Variants in GRM1 observed in about 807,000 individuals in gnomAD.
GRM1 encodes the protein metabotropic glutamate receptor 1.
GRM1 carries 33 observed loss-of-function variants against 90.9 expected under a neutral mutation model. That is an observed-to-expected ratio of 0.36 (90% CI 0.28 to 0.49). The LOEUF is 0.49. Ranked by LOEUF, GRM1 falls within the 20% of genes least tolerant of loss-of-function variation. The probability of loss-of-function intolerance (pLI) is 0.99; values close to 1 mark genes in which losing one functional copy is unlikely to be tolerated. For missense variants in GRM1, 1,190 were observed against 1,534.3 expected, an observed-to-expected ratio of 0.78 and a Z score of 3.75; for synonymous variants, 700 against 613.2, an observed-to-expected ratio of 1.14 and a Z score of -2.09.
intron 1 of GRM1, among the ~76,000 whole-genome samples, chr6:146,070,190 G>A (rs1310173475): frequency 1.3e-5 from 2 of 151,748 alleles, no homozygotes; most frequent in Non-Finnish European, 2.9e-5. Context: ...TCTCTAACAA[G>A]TTTATTGCTC....
intron 2 of GRM1, among the ~76,000 whole-genome samples, chr6:146,292,816 A>G (rs1783035785): frequency 6.6e-6 from 1 of 152,010 alleles, no homozygotes; most frequent in African/African-American, 2.4e-5. Flanking sequence ...GCATGTATAC[A>G]TATGTTTATA....
rs362826 is a variant in GRM1, at chr6:146,434,430, G to C, written c.3219G>C (p.Gln1073His). ...TGTACCCGCCCCCGCCACCTCCGCAGCACCTGCAGATGCTGCCGCTGCAGC... is the reference window on the plus strand; with the variant it reads ...TGTACCCGCCCCCGCCACCTCCGCACCACCTGCAGATGCTGCCGCTGCAGC... Reference protein sequence around the residue: ...RSLYPPPPPPQHLQMLPLQLS... With the variant: ...RSLYPPPPPPHHLQMLPLQLS... The change falls in exon 8 of 8, where the codon CAG (glutamine) becomes CAC (histidine). Residue 1073 changes from glutamine to histidine, a missense_variant. This residue lies in a region of GRM1 where 400 missense variants were observed against 360.8 expected (regional missense o/e 1.11). Transcript: ENST00000282753. 3.7e-6 allele frequency: 6 copies of C among 1,613,564 alleles called. No individual in the cohort carries two copies. Among genetic ancestry groups the C allele is most frequent in the East Asian group, 2.2e-5 (1 of 44,850 alleles).
chr6:146,202,355 T>C (rs1779326133), intron 2 of GRM1, among the ~76,000 whole-genome samples: 1 of 152,152 alleles, frequency 6.6e-6, no homozygotes, highest in South Asian at 2.1e-4. Flanking sequence ...TCAGCAGGTA[T>C]TTTTACATCT....
chr6:146,248,759 A>C (rs746376431), intron 2 of GRM1, among the ~76,000 whole-genome samples: 25 of 152,202 alleles, frequency 1.6e-4, no homozygotes, highest in Non-Finnish European at 3.4e-4. Context: ...TCAGAACACA[A>C]GAAGATGTGA....
At position 146,387,008 on chromosome 6, in the gene GRM1, A is replaced by G. The variant is rs754294966; in HGVS notation, c.1721A>G (p.Asp574Gly). The change falls in exon 6 of 8, where the codon GAT becomes GGT. Residue 574 changes from aspartate to glycine, a missense_variant. By Grantham distance (94) the Asp-to-Gly change is moderately conservative. Transcript: ENST00000282753. ...ACDLGWWPNA[D>G]LTGCEPIPVR... is the part of the protein sequence containing the mutation. The stretch of plus-strand genomic sequence containing the variant: ...GACTTGGGATGGTGGCCCAATGCAG[A>G]TCTAACAGGTAGGAACTGCCTCACT... 1 of 1,613,012 alleles carries G rather than the reference A, an allele frequency of 6.2e-7. No individual in the cohort carries two copies. The highest frequency in any genetic ancestry group is 1.7e-5 in the Admixed American group (1 of 59,968).
chr6:146,030,663 C>G (rs1218558393), intron 1 of GRM1, among the ~76,000 whole-genome samples: 1 of 152,158 alleles, frequency 6.6e-6, no homozygotes, highest in Non-Finnish European at 1.5e-5. Flanking sequence ...AAAGCTTTAT[C>G]TTTCTTTAAC....
At chr6:146,270,342 C>T (rs933791088) in intron 2 of GRM1, among the ~76,000 whole-genome samples, 60 of 152,098 alleles carry the variant, frequency 3.9e-4, no homozygotes, top group Admixed American at 2.0e-3. Flanking sequence ...TGTGTTTTAT[C>T]CAGTTCAATG....
intron 7 of GRM1, among the ~76,000 whole-genome samples, chr6:146,416,353 A>C (rs10214823): frequency 2.0e-5 from 3 of 151,972 alleles, no homozygotes; most frequent in African/African-American, 7.3e-5. Flanking sequence ...TTAATATTCA[A>C]CTTTCTCCTG....
At chr6:146,241,609 G>A (rs1336215713) in intron 2 of GRM1, among the ~76,000 whole-genome samples, 2 of 152,086 alleles carry the variant, frequency 1.3e-5, no homozygotes, top group Non-Finnish European at 2.9e-5. Flanking sequence ...AGGTTCCCAA[G>A]GTTCACTAAC....
At chr6:146,366,005 T>C (rs1380733662) in intron 5 of GRM1, among the ~76,000 whole-genome samples, 1 of 152,214 alleles carries the variant, frequency 6.6e-6, no homozygotes, top group African/African-American at 2.4e-5. Flanking sequence ...TCTTTCTTGC[T>C]TTAGTTTTTC....
Position 146,326,296 on chromosome 6 carries a change from G to A in GRM1, c.1186+21450G>A, listed in dbSNP as rs527442777. On this transcript the variant is annotated intron_variant, in intron 3 of 7. Transcript: ENST00000282753. The stretch of plus-strand genomic sequence containing the variant: ...GAGGTTATGGCCTTTGCAGGGACAC[G>A]GATGGAGCTGGAGGCCATTATCCTT... Among the ~76,000 whole-genome samples, 11 of 152,252 alleles carry A rather than the reference G, an allele frequency of 7.2e-5. 1 individual carries two copies. In the South Asian group the frequency reaches 1.2e-3, roughly 17 times the overall value.
At chr6:146,303,317 A>G (rs1437567220) in intron 2 of GRM1, among the ~76,000 whole-genome samples, 3 of 152,134 alleles carry the variant, frequency 2.0e-5, no homozygotes, top group Non-Finnish European at 4.4e-5. Flanking sequence ...CACTCTGTGC[A>G]GAGAAGAATA....
chr6:146,268,955 C>T (rs1782014816), intron 2 of GRM1, among the ~76,000 whole-genome samples: 1 of 152,144 alleles, frequency 6.6e-6, no homozygotes, highest in Admixed American at 6.5e-5. Flanking sequence ...ACACTTACAG[C>T]CAACTGATTT....
chr6:146,062,628 ATTTTG>A (rs1350782697), intron 1 of GRM1, among the ~76,000 whole-genome samples: 1 of 151,174 alleles, frequency 6.6e-6, no homozygotes, highest in Non-Finnish European at 1.5e-5. Flanking sequence ...TATCTTTTAA[ATTTTG>A]TTTTATTTTC....
chr6:146,083,603 A>G (rs1458064961), intron 1 of GRM1, among the ~76,000 whole-genome samples: 3 of 152,116 alleles, frequency 2.0e-5, no homozygotes, highest in Non-Finnish European at 4.4e-5. Context: ...ATGGTGGATA[A>G]GTTTTTTGAT....
At chr6:146,146,771 C>T (rs73571265) in intron 1 of GRM1, among the ~76,000 whole-genome samples, 2,636 of 152,236 alleles carry the variant, frequency 0.017, 72 homozygotes, top group African/African-American at 0.059. Context: ...GAGTCTCCAC[C>T]GGTAAAGAGA....
chr6:146,059,039 A>G (rs2128852785), intron 1 of GRM1, among the ~76,000 whole-genome samples: 1 of 152,258 alleles, frequency 6.6e-6, no homozygotes, highest in East Asian at 1.9e-4. Flanking sequence ...AACTCTTAAT[A>G]ATGTTGATAT....
At chr6:146,253,463 A>G (rs747612475) in intron 2 of GRM1, among the ~76,000 whole-genome samples, 8 of 152,174 alleles carry the variant, frequency 5.3e-5, no homozygotes, top group Non-Finnish European at 8.8e-5. Context: ...TGAATTACTC[A>G]GTTTATTTCT....
rs540935463 is a variant in GRM1, at chr6:146,318,091, G to C, written c.1186+13245G>C. Reference sequence around the variant, plus strand: ...AGATATACATGTGCCATGGTGGTTTGCTGGACTCATCAACCTGTCATCTAC... The same window carrying C: ...AGATATACATGTGCCATGGTGGTTTCCTGGACTCATCAACCTGTCATCTAC... On this transcript the variant is annotated intron_variant, in intron 3 of 7. Coordinates refer to ENST00000282753, the MANE Select transcript of GRM1 (RefSeq NM_001278064.2). 1.2e-3 allele frequency among the ~76,000 whole-genome samples: 189 copies of C among 152,302 alleles called. 2 individuals carry two copies. The highest frequency in any genetic ancestry group is 5.8e-3 in the South Asian group (28 of 4,826).
Sources: gnomAD v4.1 joint callset for allele counts (sites outside exome capture counted in the v4.1 genomes callset) on GRCh38, gnomAD v4.1.1 for gene constraint, gnomAD v4.1.1 regional missense constraint, MANE v1.5 for transcripts, NCBI Gene and HGNC (gene_info 2026-07-23, HGNC 2026-07-21) for gene names.